Variants in OLFM2 observed in about 807,000 individuals in gnomAD.
OLFM2 encodes olfactomedin 2.
Under a neutral mutation model 43.9 loss-of-function variants are expected in OLFM2, and 20 were observed. The observed-to-expected ratio is 0.46, with a 90% confidence interval of 0.32 to 0.66. The LOEUF is 0.66. Among genes scored for constraint, OLFM2 ranks in the 30% least tolerant of loss-of-function variants. OLFM2 has a pLI of 0.04. For synonymous variants in OLFM2, 268 were observed against 278.6 expected (o/e 0.96, Z 0.38); for missense variants, 416 against 643.6 (o/e 0.65, Z 3.83).
intron 1 of OLFM2, among the ~76,000 whole-genome samples, chr19:9,873,728 C>T (rs935556595): frequency 2.6e-5 from 4 of 151,954 alleles, no homozygotes; most frequent in South Asian, 2.1e-4. Context: ...CTCCCAGACT[C>T]GAGCAATCCT....
At chr19:9,912,876 A>G (rs896437991) in intron 1 of OLFM2, among the ~76,000 whole-genome samples, 1 of 151,954 alleles carries the variant, frequency 6.6e-6, no homozygotes, top group African/African-American at 2.4e-5. Context: ...AGAGAAAAAA[A>G]GAGATACAAA....
At position 9,860,628 on chromosome 19, in the gene OLFM2, AC is replaced by A; in HGVS notation, c.213+16del. On this transcript the variant is annotated intron_variant, in intron 2 of 5. Coordinates refer to ENST00000264833, the MANE Select transcript of OLFM2 (RefSeq NM_058164.4). The stretch of plus-strand genomic sequence containing the variant: ...AGATTTTCCCAGCTGCCCCCAGGGT[AC>A]CTGGAAGGTTCTCACCTTCTCCATC... 1.3e-6 allele frequency: 2 copies of A among 1,569,638 alleles called. No homozygotes were observed. The highest frequency in any genetic ancestry group is 2.3e-5 in the South Asian group (2 of 85,726).
At chr19:9,930,390 CCCTTAAATTTTGTA>C (rs1163857152) in intron 1 of OLFM2, among the ~76,000 whole-genome samples, 1 of 151,988 alleles carries the variant, frequency 6.6e-6, no homozygotes, top group Non-Finnish European at 1.5e-5. Context: ...GGGGGGCATA[CCCTTAAATTTTGTA>C]CTATAGCTGA....
intron 1 of OLFM2, among the ~76,000 whole-genome samples, chr19:9,924,995 G>A (rs1221040459): frequency 6.6e-6 from 1 of 152,066 alleles, no homozygotes; most frequent in African/African-American, 2.4e-5. Flanking sequence ...GGGCGCCGTG[G>A]CTCATGCCTG....
chr19:9,917,988 C>T (rs574863164), intron 1 of OLFM2, among the ~76,000 whole-genome samples: 25 of 152,140 alleles, frequency 1.6e-4, no homozygotes, highest in East Asian at 9.7e-4. Flanking sequence ...GAGTAATTCT[C>T]GTGCCTCAGC....
Position 9,854,018 on chromosome 19 carries a change from G to GA in OLFM2, c.*167dup. 4.8e-6 allele frequency: 3 copies of GA among 622,662 alleles called. No homozygotes were observed. The highest frequency in any genetic ancestry group is 5.5e-5 in the East Asian group (2 of 36,360). 38.6% of individuals were successfully genotyped at this position (622,662 alleles called of 1,614,324 possible). A position where few individuals can be genotyped will look rare whatever the true frequency, so the allele number is the denominator to read the frequency against. ...TCAATAAAGGAGAAGAGGGGAAATT[G>GA]AAAAAATAGACAGAAATACATAGGC... On this transcript the variant is annotated 3_prime_UTR_variant, in exon 6 of 6. Coordinates refer to ENST00000264833, the MANE Select transcript of OLFM2 (RefSeq NM_058164.4). This position sits in a 1 kb window ranked among gnomAD's most constrained non-coding sequence, Gnocchi z 9.5.
intron 1 of OLFM2, among the ~76,000 whole-genome samples, chr19:9,873,701 C>G (rs2046461828): frequency 6.6e-6 from 1 of 151,974 alleles, no homozygotes; most frequent in Non-Finnish European, 1.5e-5. Flanking sequence ...GTGATCATGG[C>G]TCACTGCAGC....
At chr19:9,893,390 C>T (rs1376877053) in intron 1 of OLFM2, among the ~76,000 whole-genome samples, 1 of 152,168 alleles carries the variant, frequency 6.6e-6, no homozygotes, top group Non-Finnish European at 1.5e-5. Flanking sequence ...GTCTCGAACT[C>T]CCAACCTCAG....
chr19:9,876,242 T>G (rs2046486565), intron 1 of OLFM2, among the ~76,000 whole-genome samples: 1 of 152,206 alleles, frequency 6.6e-6, no homozygotes, highest in South Asian at 2.1e-4. Context: ...TGGCCGGGGA[T>G]GGATTTCTGA....
rs980497139 is a variant in OLFM2, at chr19:9,857,369, G to A, written c.474C>T (p.Gly158=). Reference sequence around the variant, plus strand: ...TCTCCTCCTGAATGGCCGCCAGACTGCCGGAGAGATTCCTCACCTCCTCCC... The same window carrying A: ...TCTCCTCCTGAATGGCCGCCAGACTACCGGAGAGATTCCTCACCTCCTCCC... ...RLREEVRNLS[G]SLAAIQEEMG... Residue 158 remains glycine, a synonymous_variant, in exon 4 of 6, where the codon GGC becomes GGT. Coordinates refer to ENST00000264833, the MANE Select transcript of OLFM2 (RefSeq NM_058164.4). This position sits in a 1 kb window ranked among gnomAD's most constrained non-coding sequence, Gnocchi z 5.7. 2 of 1,614,068 alleles carry A rather than the reference G, an allele frequency of 1.2e-6. No homozygotes were observed. Among genetic ancestry groups the A allele is most frequent in the Admixed American group, 3.3e-5 (2 of 60,004 alleles).
intron 1 of OLFM2, among the ~76,000 whole-genome samples, chr19:9,905,413 C>T (rs1460435201): frequency 2.6e-5 from 4 of 151,988 alleles, no homozygotes; most frequent in Middle Eastern, 3.4e-3. Flanking sequence ...GCCGAGATTG[C>T]GCCACTGCAT....
At chr19:9,914,266 T>G (rs2046857294) in intron 1 of OLFM2, among the ~76,000 whole-genome samples, 1 of 151,808 alleles carries the variant, frequency 6.6e-6, no homozygotes, top group Admixed American at 6.5e-5. Flanking sequence ...CCACCCTGGC[T>G]ACCTAAAACC....
chr19:9,913,473 G>A (rs1460674941), intron 1 of OLFM2: 36 of 1,075,872 alleles, frequency 3.3e-5, no homozygotes, highest in Non-Finnish European at 4.0e-5. Flanking sequence ...CCCGCGCGGC[G>A]GCCACTCACG....
At chr19:9,875,952 C>A (rs931738042) in intron 1 of OLFM2, among the ~76,000 whole-genome samples, 4 of 152,058 alleles carry the variant, frequency 2.6e-5, no homozygotes, top group African/African-American at 9.7e-5. Flanking sequence ...TGCAGGCCTG[C>A]AGGTCTCACT....
At chr19:9,867,758 A>G (rs2145441400) in intron 1 of OLFM2, among the ~76,000 whole-genome samples, 1 of 152,284 alleles carries the variant, frequency 6.6e-6, no homozygotes, top group Non-Finnish European at 1.5e-5. Flanking sequence ...TTTGCATTTT[A>G]TTCGGCCAAT....
chr19:9,887,983 T>G (rs2046602879), intron 1 of OLFM2, among the ~76,000 whole-genome samples: 1 of 151,150 alleles, frequency 6.6e-6, no homozygotes, highest in Non-Finnish European at 1.5e-5. Context: ...TGGTGAGCCA[T>G]GATCTCTCCT....
intron 1 of OLFM2, among the ~76,000 whole-genome samples, chr19:9,909,266 C>T (rs2046808931): frequency 6.6e-6 from 1 of 152,178 alleles, no homozygotes; most frequent in South Asian, 2.1e-4. Flanking sequence ...GCAGAGGCGA[C>T]GGTCAAGGGT....
At chr19:9,902,111 C>T (rs1286649278) in intron 1 of OLFM2, among the ~76,000 whole-genome samples, 2 of 151,874 alleles carry the variant, frequency 1.3e-5, no homozygotes, top group Non-Finnish European at 2.9e-5. Flanking sequence ...TCACTGCAAG[C>T]TCTGCCTCCT....
At chr19:9,906,052 C>A (rs1429760319) in intron 1 of OLFM2, among the ~76,000 whole-genome samples, 1 of 152,172 alleles carries the variant, frequency 6.6e-6, no homozygotes, top group African/African-American at 2.4e-5. Flanking sequence ...TGAAGACACG[C>A]TCAAACATGC....
Sources: gnomAD v4.1 joint callset for allele counts (sites outside exome capture counted in the v4.1 genomes callset) on GRCh38, gnomAD v4.1.1 for gene constraint, Gnocchi (gnomAD v3.1) non-coding constraint, MANE v1.5 for transcripts, NCBI Gene and HGNC (gene_info 2026-07-23, HGNC 2026-07-21) for gene names.